PRPSAP2: variants seen among roughly 807,000 people sequenced by gnomAD.
PRPSAP2 encodes phosphoribosyl pyrophosphate synthetase associated protein 2.
PRPSAP2 carries 24 observed loss-of-function variants against 40.6 expected under a neutral mutation model. The ratio of observed to expected loss-of-function variants is 0.59; its 90% CI spans 0.43 to 0.83. PRPSAP2 has a LOEUF of 0.83. Ranked by LOEUF, PRPSAP2 falls within the 40% of genes least tolerant of loss-of-function variation. The pLI, the probability that PRPSAP2 is intolerant of heterozygous loss-of-function variation, is 0.00. For synonymous variants in PRPSAP2, 149 were observed against 164.7 expected, an observed-to-expected ratio of 0.90 and a Z score of 0.73; for missense variants, 292 against 465.6, an observed-to-expected ratio of 0.63 and a Z score of 3.43.
chr17:18,891,869 T>C (rs1254389026), intron 8 of PRPSAP2, among the ~76,000 whole-genome samples: 2 of 152,232 alleles, frequency 1.3e-5, no homozygotes, highest in Non-Finnish European at 2.9e-5. Flanking sequence ...GTCGCTGTTA[T>C]TGTTCGAGAC....
At chr17:18,907,386 T>C (rs2040662662) in intron 8 of PRPSAP2, among the ~76,000 whole-genome samples, 1 of 152,210 alleles carries the variant, frequency 6.6e-6, no homozygotes, top group Non-Finnish European at 1.5e-5. Flanking sequence ...TAAATGACAG[T>C]GTTTCAAAGT....
intron 8 of PRPSAP2, among the ~76,000 whole-genome samples, chr17:18,893,928 G>T (rs996460623): frequency 1.3e-5 from 2 of 152,008 alleles, no homozygotes; most frequent in Non-Finnish European, 2.9e-5. Context: ...CACAATCTTG[G>T]CTCACTGCAA....
chr17:18,880,385 T>G (rs2151906986), intron 6 of PRPSAP2, among the ~76,000 whole-genome samples: 1 of 152,290 alleles, frequency 6.6e-6, no homozygotes, highest in East Asian at 1.9e-4. Context: ...ATTTCCAGGC[T>G]GGTGCAGTTT....
At chr17:18,912,837 C>A (rs2041048475) in intron 9 of PRPSAP2, among the ~76,000 whole-genome samples, 1 of 152,042 alleles carries the variant, frequency 6.6e-6, no homozygotes, top group African/African-American at 2.4e-5. Context: ...GAGTTCGAGA[C>A]CAAAAGGGAG....
At chr17:18,899,519 G>GTTTTTT (rs574203117) in intron 8 of PRPSAP2, among the ~76,000 whole-genome samples, 10 of 60,574 alleles carry the variant, frequency 1.7e-4, no homozygotes, top group South Asian at 8.2e-4. Flanking sequence ...ATCCAACTGA[G>GTTTTTT]TTTTTTTTTT....
At chr17:18,862,802 T>TTC (rs2037128350) in intron 1 of PRPSAP2, among the ~76,000 whole-genome samples, 3 of 124,360 alleles carry the variant, frequency 2.4e-5, no homozygotes, top group South Asian at 2.6e-4. Context: ...TTTATTTATT[T>TTC]ATTTATTTAT....
At chr17:18,915,254 G>A (rs184517268) in intron 9 of PRPSAP2, among the ~76,000 whole-genome samples, 10 of 151,912 alleles carry the variant, frequency 6.6e-5, no homozygotes, top group African/African-American at 2.2e-4. Flanking sequence ...TGAACTCTTG[G>A]GCTCAAAGCG....
chr17:18,915,085 T>G (rs1356857148), intron 9 of PRPSAP2, among the ~76,000 whole-genome samples: 2 of 149,114 alleles, frequency 1.3e-5, no homozygotes, highest in East Asian at 3.9e-4. Flanking sequence ...AGTGCAGTGG[T>G]GTGATCACAG....
chr17:18,883,869 C>G (rs8073236), intron 7 of PRPSAP2, among the ~76,000 whole-genome samples: 66,472 of 151,892 alleles, frequency 0.44, 14,783 homozygotes, highest in Middle Eastern at 0.5. Context: ...CATTCTCCAG[C>G]AATTGTTATA....
chr17:18,918,305 C>G (rs777948503), intron 9 of PRPSAP2, among the ~76,000 whole-genome samples: 1 of 152,156 alleles, frequency 6.6e-6, no homozygotes, highest in Non-Finnish European at 1.5e-5. Context: ...CAGCAAGAGG[C>G]CATCCTCAGA....
chr17:18,888,965 T>C (rs1372650448), intron 7 of PRPSAP2, among the ~76,000 whole-genome samples: 2 of 152,284 alleles, frequency 1.3e-5, no homozygotes, highest in Non-Finnish European at 2.9e-5. Context: ...AACTGTTTTC[T>C]TGGTTCTGTC....
intron 9 of PRPSAP2, among the ~76,000 whole-genome samples, chr17:18,912,589 TATC>T (rs1228668205): frequency 6.6e-6 from 1 of 152,174 alleles, no homozygotes; most frequent in African/African-American, 2.4e-5. Context: ...CCCATCTAAA[TATC>T]ATCTAAATCA....
chr17:18,860,121 G>A (rs1465650686), intron 1 of PRPSAP2, among the ~76,000 whole-genome samples: 6 of 151,656 alleles, frequency 4.0e-5, no homozygotes, highest in Non-Finnish European at 7.4e-5. Context: ...GTGTAGTGGC[G>A]CGATCTCAGC....
At chr17:18,906,584 G>A (rs1476086007) in intron 8 of PRPSAP2, among the ~76,000 whole-genome samples, 1 of 151,930 alleles carries the variant, frequency 6.6e-6, no homozygotes, top group East Asian at 1.9e-4. Flanking sequence ...CAAACCCCTG[G>A]GCTCAAGCCA....
rs562045062 is a variant in PRPSAP2, at chr17:18,902,967, A to G, written c.585-8136A>G. Among the ~76,000 whole-genome samples, 3 of 150,658 alleles carry G rather than the reference A, an allele frequency of 2.0e-5. No individual in the cohort carries two copies. The Admixed American group carries it at 2.0e-4, about 10-fold the overall frequency. On this transcript the variant is annotated intron_variant, in intron 8 of 11. Transcript: ENST00000268835. The stretch of plus-strand genomic sequence containing the variant: ...AGTGCTGCTGTGCCAGCCATCGTGG[A>G]TGTGGTGGTGACCAGTGCAGGCAGG...
At chr17:18,906,140 A>G (rs1034477114) in intron 8 of PRPSAP2, among the ~76,000 whole-genome samples, 1 of 152,346 alleles carries the variant, frequency 6.6e-6, no homozygotes, top group Non-Finnish European at 1.5e-5. Flanking sequence ...TTCCTTGGAA[A>G]TATAAATTAC....
At chr17:18,929,123 G>A (rs1323397200) in intron 11 of PRPSAP2, among the ~76,000 whole-genome samples, 166 bp downstream of exon 11, 5 of 152,100 alleles carry the variant, frequency 3.3e-5, no homozygotes, top group Admixed American at 6.6e-5. Context: ...TTGGGAGGCC[G>A]AGGCAGGTGG....
At chr17:18,903,786 C>G (rs1465159017) in intron 8 of PRPSAP2, among the ~76,000 whole-genome samples, 1 of 152,096 alleles carries the variant, frequency 6.6e-6, no homozygotes, top group East Asian at 1.9e-4. Context: ...GTCGACATGG[C>G]ATCAACACAG....
intron 1 of PRPSAP2, among the ~76,000 whole-genome samples, chr17:18,863,826 G>A (rs1286264255): frequency 7.1e-6 from 1 of 141,144 alleles, no homozygotes; most frequent in Admixed American, 7.2e-5. Flanking sequence ...AAGCCACTGC[G>A]TGGCCTTTTT....
Sources: gnomAD v4.1 joint callset for allele counts (sites outside exome capture counted in the v4.1 genomes callset) on GRCh38, gnomAD v4.1.1 for gene constraint, MANE v1.5 for transcripts, NCBI Gene and HGNC (gene_info 2026-07-23, HGNC 2026-07-21) for gene names.